CNBD1: variants seen among roughly 807,000 people sequenced by gnomAD.
The protein encoded by CNBD1 is cyclic nucleotide binding domain containing 1.
CNBD1 carries 71 observed loss-of-function variants against 54.4 expected under a neutral mutation model. The ratio of observed to expected loss-of-function variants is 1.30; its 90% CI spans 1.08 to 1.59. The LOEUF (loss-of-function observed/expected upper bound fraction) is 1.59. Ranked by LOEUF, CNBD1 falls within the 40% of genes most tolerant of loss-of-function variation. The pLI is 0.00. For synonymous variants in CNBD1, 182 were observed against 170.7 expected (o/e 1.07, Z -0.51); for missense variants, 659 against 518.0 (o/e 1.27, Z -2.64).
chr8:86,921,445 T>C lies in CNBD1; in HGVS notation c.272+16251T>C, dbSNP rs532328552. Among the ~76,000 whole-genome samples the C allele has an allele frequency of 7.2e-5, 11 of 152,282 alleles. 1 individual carries two copies. Among genetic ancestry groups the C allele is most frequent in the African/African-American group, 2.6e-4 (11 of 41,556 alleles). On this transcript the variant is annotated intron_variant, in intron 3 of 10. Coordinates refer to ENST00000518476, the MANE Select transcript of CNBD1 (RefSeq NM_173538.3). ...GAAAAGAAACCTCACAATAATACTG[T>C]ATTAGTCTGTTCTCACACTGCTAAT... is the stretch of plus-strand genomic sequence containing the variant.
At chr8:86,971,736 T>C (rs895334125) in intron 4 of CNBD1, among the ~76,000 whole-genome samples, 1 of 152,158 alleles carries the variant, frequency 6.6e-6, no homozygotes, top group Non-Finnish European at 1.5e-5. Context: ...TTTCTTATTA[T>C]ATTTTCTAAC....
rs748814884 is a variant in CNBD1, at chr8:87,421,381, G to A, written c.214-7165G>A. On this transcript the variant is annotated intron_variant, in intron 2 of 7. Transcript: ENST00000521593. ...GCTGGTGTGCTGCACCCACTAACTC[G>A]TCATCTAGCATTAGGTATATCTCCC... Among the ~76,000 whole-genome samples, 1,120 of 149,996 alleles carry A rather than the reference G, an allele frequency of 7.5e-3. 13 individuals are homozygous for A. Among genetic ancestry groups the A allele is most frequent in the African/African-American group, 0.026 (1,052 of 40,742 alleles).
At chr8:87,060,603 A>G (rs2130638641) in intron 4 of CNBD1, among the ~76,000 whole-genome samples, 2 of 152,344 alleles carry the variant, frequency 1.3e-5, no homozygotes, top group Middle Eastern at 3.4e-3. Context: ...GTGAAAGTTC[A>G]AATCACAGGA....
intron 3 of CNBD1, among the ~76,000 whole-genome samples, chr8:86,931,044 C>T (rs1809448272): frequency 1.3e-5 from 2 of 152,148 alleles, no homozygotes. Flanking sequence ...ATAGCTCCAG[C>T]TTTGGCTAAT....
intron 4 of CNBD1, among the ~76,000 whole-genome samples, chr8:87,157,927 G>A (rs528979745): frequency 1.3e-5 from 2 of 152,254 alleles, no homozygotes; most frequent in East Asian, 3.9e-4. Context: ...ATTCTTGTCA[G>A]TAGCATGGGC....
At chr8:86,925,697 A>T (rs952232590) in intron 3 of CNBD1, among the ~76,000 whole-genome samples, 1 of 150,032 alleles carries the variant, frequency 6.7e-6, no homozygotes, top group African/African-American at 2.5e-5. Context: ...CCTTGCTAAC[A>T]TGGTGAAACA....
intron 8 of CNBD1, among the ~76,000 whole-genome samples, chr8:87,293,793 A>AT (rs1473249395): frequency 1.3e-5 from 2 of 152,182 alleles, no homozygotes; most frequent in African/African-American, 2.4e-5. Context: ...AGGAGAGAGG[A>AT]TTTTTTGGAT....
chr8:87,317,669 G>T (rs1809418413), intron 8 of CNBD1, among the ~76,000 whole-genome samples: 1 of 151,674 alleles, frequency 6.6e-6, no homozygotes. Context: ...CTCAGAATAG[G>T]GTCTGTGTCG....
intron 3 of CNBD1, among the ~76,000 whole-genome samples, chr8:86,926,978 A>G (rs1437829098): frequency 2.0e-5 from 3 of 152,102 alleles, no homozygotes; most frequent in Non-Finnish European, 4.4e-5. Context: ...TCCTGGGGCA[A>G]TGTCAATGTT....
chr8:87,370,589 G>A (rs1290591631), intron 10 of CNBD1, among the ~76,000 whole-genome samples: 1 of 151,900 alleles, frequency 6.6e-6, no homozygotes, highest in African/African-American at 2.4e-5. Flanking sequence ...TTTTTTTCTT[G>A]TAAATTTGTT....
intron 2 of CNBD1, among the ~76,000 whole-genome samples, chr8:87,391,805 G>T (rs573145390): frequency 6.6e-6 from 1 of 152,004 alleles, no homozygotes; most frequent in African/African-American, 2.4e-5. Flanking sequence ...AGACACAAAA[G>T]CCCAACCAAA....
intron 4 of CNBD1, among the ~76,000 whole-genome samples, chr8:86,988,492 A>G (rs530980479): frequency 6.6e-6 from 1 of 152,298 alleles, no homozygotes; most frequent in Admixed American, 6.5e-5. Context: ...TGGGGTATGC[A>G]TCACCTCAAG....
At chr8:87,136,422 GGC>G (rs2130732257) in intron 4 of CNBD1, among the ~76,000 whole-genome samples, 1 of 147,430 alleles carries the variant, frequency 6.8e-6, no homozygotes, top group East Asian at 2.0e-4. Flanking sequence ...GAAATTTATA[GGC>G]TTAGAAAGCT....
intron 8 of CNBD1, among the ~76,000 whole-genome samples, chr8:87,338,694 T>G (rs1221502712): frequency 6.6e-6 from 1 of 152,164 alleles, no homozygotes; most frequent in East Asian, 1.9e-4. Flanking sequence ...GTTTTCATTT[T>G]TGTTTTTGCA....
chr8:87,391,676 A>G (rs761704791), intron 2 of CNBD1, among the ~76,000 whole-genome samples: 1 of 152,078 alleles, frequency 6.6e-6, no homozygotes, highest in Non-Finnish European at 1.5e-5. Context: ...TTGCACAAAA[A>G]TTGACTCTAA....
intron 4 of CNBD1, among the ~76,000 whole-genome samples, chr8:86,941,028 A>C (rs756382173): frequency 2.6e-5 from 4 of 152,234 alleles, no homozygotes; most frequent in Non-Finnish European, 4.4e-5. Context: ...TCGCATGATG[A>C]CAGATTTCTC....
chr8:87,213,758 A>G (rs1012724063), intron 5 of CNBD1, among the ~76,000 whole-genome samples: 7 of 152,058 alleles, frequency 4.6e-5, no homozygotes, highest in African/African-American at 1.7e-4. Context: ...CTTCCCAACA[A>G]TCTCCCAAAG....
At chr8:86,877,328 T>C (rs905736300) in intron 1 of CNBD1, among the ~76,000 whole-genome samples, 1 of 152,176 alleles carries the variant, frequency 6.6e-6, no homozygotes, top group Admixed American at 6.5e-5. Flanking sequence ...GCCTACACTT[T>C]ATTAGTACAT....
At chr8:87,205,728 T>C (rs1453843313) in intron 4 of CNBD1, among the ~76,000 whole-genome samples, 1 of 152,124 alleles carries the variant, frequency 6.6e-6, no homozygotes, top group African/African-American at 2.4e-5. Context: ...AAAGAAGTTT[T>C]CTATTTAAAA....
Sources: gnomAD v4.1 joint callset for allele counts (sites outside exome capture counted in the v4.1 genomes callset) on GRCh38, gnomAD v4.1.1 for gene constraint, MANE v1.5 for transcripts, NCBI Gene and HGNC (gene_info 2026-07-23, HGNC 2026-07-21) for gene names.